The following VAV3 variants were observed in gnomAD, a reference collection of about 807,000 sequenced individuals.
The protein encoded by VAV3 is vav guanine nucleotide exchange factor 3, also known as guanine nucleotide exchange factor VAV3.
In VAV3, 94 loss-of-function variants were observed where a neutral mutation model predicts 131.2. The ratio of observed to expected loss-of-function variants is 0.72; its 90% CI spans 0.61 to 0.85. The LOEUF (loss-of-function observed/expected upper bound fraction) is 0.85, where lower values mean the gene tolerates loss of function less well. Ranked by LOEUF, VAV3 falls within the 40% of genes least tolerant of loss-of-function variation. The pLI is 0.00. For synonymous variants in VAV3, 349 were observed against 342.0 expected, an observed-to-expected ratio of 1.02 and a Z score of -0.22; for missense variants, 939 against 1,002.7, an observed-to-expected ratio of 0.94 and a Z score of 0.86.
chr1:107,854,821 C>T (rs1669394452), intron 2 of VAV3, among the ~76,000 whole-genome samples: 1 of 152,186 alleles, frequency 6.6e-6, no homozygotes, highest in Admixed American at 6.5e-5. Flanking sequence ...GATGTGAAAG[C>T]ATAACAGTAA....
rs527694792 is a variant in VAV3 at position 107,772,527 on chromosome 1, A to G, written c.555+208T>C. 3.9e-5 allele frequency among the ~76,000 whole-genome samples: 6 copies of G among 152,300 alleles called. No homozygotes were observed. In the East Asian group the frequency reaches 7.7e-4, roughly 20 times the overall value. On this transcript the variant is annotated intron_variant, in intron 5 of 26. Transcript: ENST00000370056. ...CTTTGTTTCCTTACTAGCGAAATGA[A>G]AAGACTAGACAAAAGATTCCCTATG...
intron 12 of VAV3, among the ~76,000 whole-genome samples, chr1:107,754,800 G>A (rs1664003077): frequency 6.6e-6 from 1 of 151,992 alleles, no homozygotes; most frequent in Non-Finnish European, 1.5e-5. Flanking sequence ...ACCTGCTACG[G>A]CTTCTGCCTG....
At chr1:107,770,768 T>C in intron 5 of VAV3, 40 bp from the exon 6 acceptor site, 2 of 1,510,954 alleles carry the variant, frequency 1.3e-6, no homozygotes, top group Non-Finnish European at 1.8e-6. Context: ...TTTAATAAAA[T>C]CATATATTAA....
intron 12 of VAV3, among the ~76,000 whole-genome samples, chr1:107,753,549 T>TGTATATATATATATACAC (rs1663908747): frequency 1.1e-4 from 9 of 82,048 alleles, no homozygotes; most frequent in African/African-American, 2.3e-4. Context: ...TATATATATA[T>TGTATATATATATATACAC]ACACACACAC....
In VAV3 at chr1:107,574,963, CTGTGTGTGTGTGTG is replaced by C. The variant is rs753834313; in HGVS notation, c.2351-779_2351-766del. 3.7e-3 allele frequency among the ~76,000 whole-genome samples: 299 copies of C among 81,176 alleles called. 3 individuals carry two copies. The highest frequency in any genetic ancestry group is 0.013 in the African/African-American group (289 of 22,304). 53.3% of individuals were successfully genotyped at this position (81,176 alleles called of 152,430 possible). On this transcript the variant is annotated intron_variant, in intron 25 of 26. Transcript: ENST00000370056. ...ATCCTGTGTTCAGAGTTGAGTTTCT[CTGTGTGTGTGTGTG>C]TGTGTGTGTGTGTGTGCGTGCGTGC...
At position 107,921,521 on chromosome 1, in the gene VAV3, G is replaced by A. The variant is rs367902943; in HGVS notation, c.204+43145C>T. ...AGCTAAATCCCAGAACTACACATAC[G>A]GCCTGGACACAGTAAAGTTCTGGAA... On this transcript the variant is annotated intron_variant, in intron 1 of 26. Transcript: ENST00000370056. 1.5e-4 allele frequency among the ~76,000 whole-genome samples: 23 copies of A among 152,232 alleles called. No homozygotes were observed. The East Asian group carries it at 2.5e-3, about 17-fold the overall frequency.
intron 2 of VAV3, among the ~76,000 whole-genome samples, chr1:107,781,291 C>T (rs1665674131): frequency 6.6e-6 from 1 of 152,096 alleles, no homozygotes; most frequent in Non-Finnish European, 1.5e-5. Context: ...TTTTTATTAT[C>T]ATGTAAAATA....
intron 15 of VAV3, among the ~76,000 whole-genome samples, chr1:107,747,562 TTAA>T (rs1663429709): frequency 1.3e-5 from 2 of 152,188 alleles, no homozygotes; most frequent in South Asian, 4.1e-4. Context: ...GCAATTATTA[TTAA>T]TAATAATAGC....
At chr1:107,757,037 T>TAAA (rs59567980) in intron 11 of VAV3, among the ~76,000 whole-genome samples, 1 of 144,942 alleles carries the variant, frequency 6.9e-6, no homozygotes. Flanking sequence ...ACTATTCCAG[T>TAAA]AAAAAAAAAA....
At chr1:107,964,565 A>T (rs1454175559) in intron 1 of VAV3, 101 bp downstream of exon 1, 11 of 1,324,990 alleles carry the variant, frequency 8.3e-6, no homozygotes, top group Non-Finnish European at 1.1e-5. Context: ...AAGCAGGGCA[A>T]GCTCAGCGCA....
intron 15 of VAV3, among the ~76,000 whole-genome samples, chr1:107,742,084 T>C (rs1389593182): frequency 1.3e-5 from 2 of 152,112 alleles, no homozygotes. Context: ...TATCAAAAAA[T>C]CTAATGCTGC....
At chr1:107,718,949 A>C (rs1661307622) in intron 15 of VAV3, among the ~76,000 whole-genome samples, 1 of 152,240 alleles carries the variant, frequency 6.6e-6, no homozygotes, top group South Asian at 2.1e-4. Context: ...AAAAACAAGA[A>C]ATGGTGAAAG....
chr1:107,658,804 T>C (rs1290616023), intron 19 of VAV3, among the ~76,000 whole-genome samples: 1 of 152,240 alleles, frequency 6.6e-6, no homozygotes, highest in African/African-American at 2.4e-5. Flanking sequence ...TTGTTTGTTT[T>C]TATCTTGTAA....
intron 23 of VAV3, 78 bp from the exon 24 acceptor site, chr1:107,602,562 C>A: frequency 8.8e-7 from 1 of 1,136,224 alleles, no homozygotes; most frequent in Non-Finnish European, 1.2e-6. Flanking sequence ...GGGCATGCCC[C>A]AATAACATTT....
At position 107,751,117 on chromosome 1, in the gene VAV3, C is replaced by T; in HGVS notation, c.1259G>A (p.Arg420Lys). Residue 420 changes from arginine to lysine, a missense_variant and splice_region_variant, in exon 13 of 27, where the codon AGG (arginine) becomes AAG (lysine). By Grantham distance (26) the Arg-to-Lys change is conservative. Transcript: ENST00000370056. The part of the protein sequence containing the change: ...TTLDKHTKQE[R>K]HIFLFDLAVI... Reference sequence around the variant, plus strand: ...GAAAATAGTATTCTTCTTTTCTTACCTTTCTTGTTTGGTATGCTTGTCTAG... The same window carrying T: ...GAAAATAGTATTCTTCTTTTCTTACTTTTCTTGTTTGGTATGCTTGTCTAG... 6.2e-7 allele frequency: 1 copy of T among 1,605,498 alleles called. No individual in the cohort carries two copies. Among genetic ancestry groups the T allele is most frequent in the South Asian group, 1.1e-5 (1 of 88,790 alleles).
intron 19 of VAV3, among the ~76,000 whole-genome samples, chr1:107,651,786 A>C (rs1046564640): frequency 6.6e-6 from 1 of 152,026 alleles, no homozygotes; most frequent in African/African-American, 2.4e-5. Context: ...AAAAATAATA[A>C]ATTATATAAT....
intron 2 of VAV3, among the ~76,000 whole-genome samples, chr1:107,844,772 G>A (rs1557878513): frequency 6.6e-6 from 1 of 152,174 alleles, no homozygotes; most frequent in Non-Finnish European, 1.5e-5. Context: ...TGTCTGTGGA[G>A]GGCATCCTCT....
intron 24 of VAV3, among the ~76,000 whole-genome samples, chr1:107,598,521 A>G (rs939750465): frequency 3.3e-5 from 5 of 152,242 alleles, no homozygotes; most frequent in African/African-American, 1.2e-4. Context: ...AAAAATATGT[A>G]TTTCTTCCTT....
At chr1:107,882,931 T>C (rs570554380) in intron 1 of VAV3, among the ~76,000 whole-genome samples, 5 of 152,300 alleles carry the variant, frequency 3.3e-5, no homozygotes, top group African/African-American at 1.2e-4. Flanking sequence ...CTAAAGGACA[T>C]GCAGAGAGGA....
Sources: gnomAD v4.1 joint callset for allele counts (sites outside exome capture counted in the v4.1 genomes callset) on GRCh38, gnomAD v4.1.1 for gene constraint, MANE v1.5 for transcripts, NCBI Gene and HGNC (gene_info 2026-07-23, HGNC 2026-07-21) for gene names.